The following ANLN variants were observed in gnomAD, a reference collection of about 807,000 sequenced individuals.
ANLN encodes anillin, actin binding protein.
A neutral mutation model predicts 135.1 loss-of-function variants in ANLN; 59 were observed. The ratio of observed to expected loss-of-function variants is 0.44; its 90% confidence interval spans 0.35 to 0.54. The LOEUF (loss-of-function observed/expected upper bound fraction) is 0.54. ANLN is among the 20% of genes least tolerant of loss of function. The pLI is 0.00. For missense variants in ANLN, 1,182 were observed against 1,340.0 expected (o/e 0.88, Z 1.84); for synonymous variants, 406 against 456.4 (o/e 0.89, Z 1.41).
intron 8 of ANLN, 150 bp downstream of exon 8, chr7:36,416,034 T>C: frequency 1.4e-6 from 1 of 709,706 alleles, no homozygotes; most frequent in Admixed American, 3.6e-5. Context: ...TTCACTTTTC[T>C]TTGAGATGGA....
intron 9 of ANLN, among the ~76,000 whole-genome samples, chr7:36,418,882 T>C (rs1439164368): frequency 2.0e-5 from 3 of 151,986 alleles, no homozygotes; most frequent in Non-Finnish European, 4.4e-5. Flanking sequence ...GCCTCCTGAG[T>C]AGCTGGGATT....
At chr7:36,424,468 G>C in intron 15 of ANLN, 77 bp from the exon 16 acceptor site, 1 of 1,175,044 alleles carries the variant, frequency 8.5e-7, no homozygotes. Context: ...AGTCTTGTAA[G>C]AGTATTTGTA....
chr7:36,448,992 A>G (rs1001052050), intron 22 of ANLN: 2 of 152,222 alleles, frequency 1.3e-5, no homozygotes, highest in Non-Finnish European at 2.9e-5. Flanking sequence ...ACCAATCAAC[A>G]GAGGTTGTTA....
In ANLN at chr7:36,406,434, G is replaced by A; in HGVS notation, c.741G>A (p.Arg247=). 3 of 1,613,526 alleles carry A rather than the reference G, an allele frequency of 1.9e-6. No individual in the cohort carries two copies. The highest frequency in any genetic ancestry group is 1.1e-5 in the South Asian group (1 of 91,002). ...KFSSASGASA[R]INSSSVKQEA... ...CCTCTGCAAGTGGAGCATCTGCTAG[G>A]ATCAATAGCAGCAGTGTTAAGCAGG... Residue 247 remains arginine, a synonymous_variant, in exon 4 of 24, where the codon AGG becomes AGA. Coordinates refer to ENST00000265748, the MANE Select transcript of ANLN (RefSeq NM_018685.5).
intron 22 of ANLN, 60 bp downstream of exon 22, chr7:36,443,922 T>C (rs1461710299): frequency 1.7e-6 from 2 of 1,182,634 alleles, no homozygotes; most frequent in Non-Finnish European, 1.2e-6. Flanking sequence ...GTAGTGTTCA[T>C]GCAAATGTTC....
intron 10 of ANLN, 39 bp downstream of exon 10, chr7:36,419,518 A>G: frequency 6.5e-7 from 1 of 1,536,388 alleles, no homozygotes; most frequent in Non-Finnish European, 9.0e-7. Context: ...GGACATAAGT[A>G]AACTAAGTAG....
chr7:36,393,439 G>A (rs1786565443), intron 1 of ANLN, among the ~76,000 whole-genome samples: 1 of 152,184 alleles, frequency 6.6e-6, no homozygotes. Flanking sequence ...AGGAGAAGCT[G>A]GAACAGGGAT....
At position 36,401,361 on chromosome 7, in the gene ANLN, CAG is replaced by C. The variant is rs558453904; in HGVS notation, c.487+1971_487+1972del. Among the ~76,000 whole-genome samples, 368 of 152,220 alleles carry C rather than the reference CAG, an allele frequency of 2.4e-3. 2 individuals carry two copies. Among genetic ancestry groups the C allele is most frequent in the African/African-American group, 8.6e-3 (358 of 41,528 alleles). ...TTTTTTTGTTTTTGTTTTTTTGAGA[CAG>C]AGTCTCACTGTGCTGCCCAGGCTGG... On this transcript the variant is annotated intron_variant, in intron 3 of 23. Coordinates refer to ENST00000265748, the MANE Select transcript of ANLN (RefSeq NM_018685.5).
chr7:36,410,914 C>A, intron 6 of ANLN, 145 bp from the exon 7 acceptor site: 1 of 842,086 alleles, frequency 1.2e-6, no homozygotes, highest in South Asian at 2.0e-5. Context: ...GTCCTGAATT[C>A]CATGTGTATT....
intron 21 of ANLN, among the ~76,000 whole-genome samples, chr7:36,442,555 A>G (rs957123526): frequency 6.6e-6 from 1 of 152,082 alleles, no homozygotes; most frequent in African/African-American, 2.4e-5. Flanking sequence ...CAGCATTGTT[A>G]TGTTTTTACC....
chr7:36,420,413 A>G, intron 11 of ANLN, 99 bp downstream of exon 11: 3 of 1,450,334 alleles, frequency 2.1e-6, no homozygotes, highest in Non-Finnish European at 2.8e-6. Flanking sequence ...TTAATAACTC[A>G]TCTGTATAAA....
chr7:36,443,631 A>G (rs898202221), intron 21 of ANLN, 124 bp from the exon 22 acceptor site: 3 of 598,164 alleles, frequency 5.0e-6, no homozygotes, highest in Non-Finnish European at 8.8e-6. Flanking sequence ...ATAAAAAAAC[A>G]TACAAATAGG....
At chr7:36,416,003 C>T (rs1434093764) in intron 8 of ANLN, 119 bp downstream of exon 8, 2 of 875,796 alleles carry the variant, frequency 2.3e-6, no homozygotes, top group Non-Finnish European at 3.4e-6. Context: ...TGGGGGGAAT[C>T]TTTAGGGTTT....
chr7:36,421,379 T>A (rs947176175), intron 12 of ANLN, among the ~76,000 whole-genome samples: 8 of 151,904 alleles, frequency 5.3e-5, no homozygotes, highest in African/African-American at 1.9e-4. Context: ...TTAAAAAAAA[T>A]ATTTTAATTA....
chr7:36,414,027 AAG>A (rs1392749999), intron 7 of ANLN, among the ~76,000 whole-genome samples: 1 of 152,124 alleles, frequency 6.6e-6, no homozygotes, highest in East Asian at 1.9e-4. Context: ...CAAGGGAAGA[AAG>A]AAAACTTTCG....
intron 10 of ANLN, 110 bp from the exon 11 acceptor site, chr7:36,420,059 C>G (rs1372157990): frequency 1.7e-5 from 18 of 1,038,716 alleles, no homozygotes; most frequent in Non-Finnish European, 2.3e-5. Context: ...ATGAATCAAT[C>G]AGCTTACTGG....
chr7:36,451,060 T>C (rs1002713429), intron 23 of ANLN, among the ~76,000 whole-genome samples: 2 of 152,208 alleles, frequency 1.3e-5, no homozygotes, highest in East Asian at 1.9e-4. Context: ...ATGAGAGTAG[T>C]ACATTCTCAA....
At chr7:36,416,174 C>T (rs1020832782) in intron 8 of ANLN, among the ~76,000 whole-genome samples, 2 of 152,136 alleles carry the variant, frequency 1.3e-5, no homozygotes, top group Non-Finnish European at 2.9e-5. Context: ...GCGCCTGCCA[C>T]CATGCCCAGC....
chr7:36,418,071 A>T (rs985734915), intron 9 of ANLN, among the ~76,000 whole-genome samples: 2 of 152,108 alleles, frequency 1.3e-5, no homozygotes, highest in Non-Finnish European at 2.9e-5. Context: ...TCTGGGAAAT[A>T]CTTACGTTTA....
Sources: gnomAD v4.1 joint callset for allele counts (sites outside exome capture counted in the v4.1 genomes callset) on GRCh38, gnomAD v4.1.1 for gene constraint, MANE v1.5 for transcripts, NCBI Gene and HGNC (gene_info 2026-07-23, HGNC 2026-07-21) for gene names.